Variants in DAPP1 observed in about 807,000 individuals in gnomAD.
The protein encoded by DAPP1 is dual adaptor of phosphotyrosine and 3-phosphoinositides 1.
A neutral mutation model predicts 41.5 loss-of-function variants in DAPP1; 20 were observed. The ratio of observed to expected loss-of-function variants is 0.48; its 90% confidence interval spans 0.34 to 0.70. The LOEUF is 0.70. Among genes scored for constraint, DAPP1 ranks in the 30% least tolerant of loss-of-function variants. The probability of loss-of-function intolerance (pLI) is 0.01; values close to 1 mark genes in which losing one functional copy is unlikely to be tolerated. For synonymous variants in DAPP1, 113 were observed against 116.2 expected, an observed-to-expected ratio of 0.97 and a Z score of 0.18; for missense variants, 233 against 333.4, an observed-to-expected ratio of 0.70 and a Z score of 2.35.
At position 99,869,534 on chromosome 4, in the gene DAPP1, A is replaced by G. The variant is rs1724575088; in HGVS notation, c.*1349A>G. On this transcript the variant is annotated 3_prime_UTR_variant, in exon 9 of 9. Transcript: ENST00000512369. ...ATCTCAGACGCAAAAATTACATTAA[A>G]TTTTTGTATATTTCAACAACATTTT... 1 of 152,212 alleles carries G rather than the reference A, an allele frequency of 6.6e-6. No homozygotes were observed. Among genetic ancestry groups the G allele is most frequent in the African/African-American group, 2.4e-5 (1 of 41,452 alleles). The allele number at this position is 152,212 out of a possible 1,614,324, so 9.4% of individuals were successfully genotyped here. A position where few individuals can be genotyped will look rare whatever the true frequency, so the allele number is the denominator to read the frequency against.
intron 3 of DAPP1, among the ~76,000 whole-genome samples, chr4:99,845,912 A>G (rs1168551924): frequency 1.3e-5 from 2 of 152,228 alleles, no homozygotes; most frequent in Non-Finnish European, 2.9e-5. Flanking sequence ...GGAAAATGAG[A>G]GGTAAGATCA....
intron 7 of DAPP1, among the ~76,000 whole-genome samples, chr4:99,864,474 T>C (rs1161548430): frequency 6.6e-6 from 1 of 152,176 alleles, no homozygotes; most frequent in Non-Finnish European, 1.5e-5. Context: ...CATGGCACTT[T>C]ATTCCTAAAG....
chr4:99,863,889 G>A, intron 7 of DAPP1, 34 bp downstream of exon 7: 1 of 1,377,522 alleles, frequency 7.3e-7, no homozygotes, highest in Non-Finnish European at 1.0e-6. Context: ...GTTTTTTAAT[G>A]TCTTCTTGCC....
intron 1 of DAPP1, among the ~76,000 whole-genome samples, chr4:99,832,819 G>C (rs1723171831): frequency 6.6e-6 from 1 of 152,136 alleles, no homozygotes; most frequent in South Asian, 2.1e-4. Flanking sequence ...GAATCCAAAG[G>C]AATGTCCAAA....
intron 1 of DAPP1, among the ~76,000 whole-genome samples, chr4:99,835,218 G>A (rs774161757): frequency 5.3e-5 from 8 of 151,780 alleles, no homozygotes; most frequent in Admixed American, 3.9e-4. Context: ...CATGTTGGCC[G>A]GGCCGGTCTC....
chr4:99,868,476 G>T lies in DAPP1; in HGVS notation c.*291G>T, dbSNP rs1205794337. The stretch of plus-strand genomic sequence containing the variant: ...TTAGAACACACAATGGAAGAGGAAG[G>T]GTTTTTGTTTTCACTCATTGTGGTC... On this transcript the variant is annotated 3_prime_UTR_variant, in exon 9 of 9. Coordinates refer to ENST00000512369, the MANE Select transcript of DAPP1 (RefSeq NM_014395.3). 5.9e-6 allele frequency: 2 copies of T among 338,562 alleles called. No homozygotes were observed. Among genetic ancestry groups the T allele is most frequent in the Non-Finnish European group, 1.1e-5 (2 of 180,814 alleles). 21.0% of individuals were successfully genotyped at this position (338,562 alleles called of 1,614,324 possible). A position where few individuals can be genotyped will look rare whatever the true frequency, so the allele number is the denominator to read the frequency against.
chr4:99,821,444 T>C (rs1722770535), intron 1 of DAPP1, among the ~76,000 whole-genome samples: 1 of 152,252 alleles, frequency 6.6e-6, no homozygotes, highest in Admixed American at 6.5e-5. Flanking sequence ...CAAAGGTATG[T>C]ATTCTAGTAA....
intron 4 of DAPP1, among the ~76,000 whole-genome samples, chr4:99,858,310 A>G (rs141059293): frequency 6.6e-6 from 1 of 152,362 alleles, no homozygotes; most frequent in African/African-American, 2.4e-5. Context: ...ATTAAAGACC[A>G]GTTATTTTGT....
chr4:99,857,707 C>CACAT (rs1724095645), intron 4 of DAPP1, among the ~76,000 whole-genome samples: 2 of 123,156 alleles, frequency 1.6e-5, no homozygotes, highest in African/African-American at 2.9e-5. Context: ...TATATACACA[C>CACAT]ACACACACAC....
At chr4:99,852,202 T>G (rs1332180126) in intron 3 of DAPP1, among the ~76,000 whole-genome samples, 1 of 152,228 alleles carries the variant, frequency 6.6e-6, no homozygotes, top group Non-Finnish European at 1.5e-5. Context: ...CCTAGACAAG[T>G]GCCTGGCAGA....
intron 4 of DAPP1, among the ~76,000 whole-genome samples, chr4:99,853,747 A>T (rs1218555835): frequency 6.6e-6 from 1 of 152,078 alleles, no homozygotes; most frequent in Non-Finnish European, 1.5e-5. Flanking sequence ...TGAGTCAAGG[A>T]GGTTGAGGCT....
chr4:99,819,570 C>G (rs141920715), intron 1 of DAPP1, among the ~76,000 whole-genome samples: 1 of 152,114 alleles, frequency 6.6e-6, no homozygotes, highest in African/African-American at 2.4e-5. Context: ...TTCTTTGAAC[C>G]TTTAACCACT....
At position 99,835,668 on chromosome 4, in the gene DAPP1, C is replaced by T; in HGVS notation, c.147C>T (p.Leu49=). ...CACGCCATGCTGCTGAAGCTCTTCT[C>T]CTCTCAAATGGATGTGACGGCAGCT... ...NLTRHAAEAL[L]LSNGCDGSYL... is the part of the protein sequence containing the mutation. Residue 49 remains leucine, a synonymous_variant, in exon 2 of 9, where the codon CTC becomes CTT. Coordinates refer to ENST00000512369, the MANE Select transcript of DAPP1 (RefSeq NM_014395.3). 6.2e-7 allele frequency: 1 copy of T among 1,613,862 alleles called. No individual in the cohort carries two copies. The highest frequency in any genetic ancestry group is 8.5e-7 in the Non-Finnish European group (1 of 1,179,838).
At chr4:99,851,840 A>C (rs1356119015) in intron 3 of DAPP1, among the ~76,000 whole-genome samples, 1 of 152,126 alleles carries the variant, frequency 6.6e-6, no homozygotes. Context: ...GATGTGAGCC[A>C]CTGTGCCCGG....
intron 4 of DAPP1, among the ~76,000 whole-genome samples, chr4:99,856,322 A>G (rs1326302119): frequency 6.6e-6 from 1 of 152,200 alleles, no homozygotes; most frequent in Non-Finnish European, 1.5e-5. Flanking sequence ...GTGAGGAGGA[A>G]CCATTAGTAA....
chr4:99,833,630 T>C (rs1427543990), intron 1 of DAPP1, among the ~76,000 whole-genome samples: 2 of 152,212 alleles, frequency 1.3e-5, no homozygotes, highest in Non-Finnish European at 2.9e-5. Flanking sequence ...TTAATAGCAT[T>C]TAGTTCATCA....
chr4:99,853,440 A>G (rs745979526), intron 4 of DAPP1, 92 bp downstream of exon 4: 1 of 1,469,808 alleles, frequency 6.8e-7, no homozygotes, highest in Non-Finnish European at 9.1e-7. Flanking sequence ...TGTTCACATA[A>G]AAATTCTAGC....
At chr4:99,853,460 A>G in intron 4 of DAPP1, 112 bp downstream of exon 4, 1 of 1,391,488 alleles carries the variant, frequency 7.2e-7, no homozygotes, top group Non-Finnish European at 9.6e-7. Flanking sequence ...CTTGGAATAT[A>G]AAACTTGGAA....
At chr4:99,829,402 C>T (rs1408482092) in intron 1 of DAPP1, among the ~76,000 whole-genome samples, 1 of 151,934 alleles carries the variant, frequency 6.6e-6, no homozygotes, top group African/African-American at 2.4e-5. Flanking sequence ...ATTGCTTGAA[C>T]CCGGGAGGTG....
Sources: gnomAD v4.1 joint callset for allele counts (sites outside exome capture counted in the v4.1 genomes callset) on GRCh38, gnomAD v4.1.1 for gene constraint, MANE v1.5 for transcripts, NCBI Gene and HGNC (gene_info 2026-07-23, HGNC 2026-07-21) for gene names.